AFAP1: variants seen among roughly 807,000 people sequenced by gnomAD.
The protein encoded by AFAP1 is actin filament associated protein 1.
Under a neutral mutation model 93.9 loss-of-function variants are expected in AFAP1, and 75 were observed. The ratio of observed to expected loss-of-function variants is 0.80; its 90% CI spans 0.66 to 0.97. The LOEUF is 0.97. Among genes scored for constraint, AFAP1 ranks in the 50% least tolerant of loss-of-function variants. The probability of loss-of-function intolerance (pLI) is 0.00; values close to 1 mark genes in which losing one functional copy is unlikely to be tolerated. For synonymous variants in AFAP1, 517 were observed against 430.7 expected (o/e 1.20, Z -2.48); for missense variants, 1,201 against 1,050.8 (o/e 1.14, Z -1.98).
intron 1 of AFAP1, among the ~76,000 whole-genome samples, chr4:7,873,201 C>T (rs1437273299): frequency 3.2e-4 from 44 of 139,216 alleles, no homozygotes; most frequent in African/African-American, 1.1e-3. Context: ...CAAGATTGCA[C>T]CACTGCACTC....
chr4:7,898,658 A>G (rs1298156683), intron 1 of AFAP1, among the ~76,000 whole-genome samples: 1 of 4,552 alleles, frequency 2.2e-4, no homozygotes, highest in Non-Finnish European at 4.4e-3. Context: ...GAAAAAGAAG[A>G]AAAAAAAAAA....
At chr4:7,897,493 T>G (rs1015585758) in intron 1 of AFAP1, among the ~76,000 whole-genome samples, 2 of 151,706 alleles carry the variant, frequency 1.3e-5, no homozygotes, top group Non-Finnish European at 2.9e-5. Context: ...CATTCTGCTT[T>G]TTCTCCCCAG....
At chr4:7,766,058 CTT>C (rs924761461) in intron 17 of AFAP1, among the ~76,000 whole-genome samples, 40 of 152,344 alleles carry the variant, frequency 2.6e-4, no homozygotes, top group African/African-American at 8.7e-4. Flanking sequence ...CAATTTCTCA[CTT>C]TGTCTAAATC....
chr4:7,830,387 G>C (rs897775989), intron 6 of AFAP1, among the ~76,000 whole-genome samples: 11 of 152,176 alleles, frequency 7.2e-5, no homozygotes, highest in African/African-American at 2.7e-4. Flanking sequence ...ACGCGAGGCT[G>C]TGGGACATGT....
intron 1 of AFAP1, among the ~76,000 whole-genome samples, chr4:7,897,213 A>T (rs1034844413): frequency 2.0e-5 from 3 of 152,126 alleles, no homozygotes; most frequent in African/African-American, 7.2e-5. Flanking sequence ...AATAATGAAA[A>T]CACACCTTCA....
intron 1 of AFAP1, among the ~76,000 whole-genome samples, chr4:7,936,343 A>ATTTTTATTTATTTTTTTTTTTTTTTTT (rs1560245247): frequency 6.6e-6 from 1 of 150,422 alleles, no homozygotes; most frequent in African/African-American, 2.5e-5. Context: ...TTTATTTTTT[A>ATTTTTATTTATTTTTTTTTTTTTTTTT]CAGAAAGGGT....
chr4:7,807,193 C>A (rs1719591555), intron 9 of AFAP1, among the ~76,000 whole-genome samples: 1 of 121,794 alleles, frequency 8.2e-6, no homozygotes, highest in Non-Finnish European at 1.6e-5. Flanking sequence ...CTCCACTGAC[C>A]TGGAGCATTA....
At chr4:7,848,127 GGGAGTGAGTGAGGGAGT>G (rs1379247078) in intron 4 of AFAP1, among the ~76,000 whole-genome samples, 55 of 118,748 alleles carry the variant, frequency 4.6e-4, no homozygotes, top group African/African-American at 1.4e-3. Flanking sequence ...AAGGAAGGAA[GGGAGTGAGTGAGGGAGT>G]GAACAGGTAG....
chr4:7,763,125 T>C lies in AFAP1; in HGVS notation c.*640A>G, dbSNP rs550407219. On this transcript the variant is annotated 3_prime_UTR_variant, in exon 18 of 18. Coordinates refer to ENST00000420658, the MANE Select transcript of AFAP1 (RefSeq NM_001134647.2). ...AACAGGTTAAGAAGAATGGCAGCTT[T>C]TCATGTCTTGGTGACAAAAGCATCT... 1.3e-5 allele frequency: 2 copies of C among 152,766 alleles called. No homozygotes were observed. The highest frequency in any genetic ancestry group is 4.1e-4 in the South Asian group (2 of 4,826). 9.5% of individuals were successfully genotyped at this position (152,766 alleles called of 1,614,324 possible).
intron 11 of AFAP1, among the ~76,000 whole-genome samples, chr4:7,790,838 G>A (rs1717800525): frequency 6.6e-6 from 1 of 152,160 alleles, no homozygotes; most frequent in South Asian, 2.1e-4. Context: ...ACAGTGGTGA[G>A]AACAGTGTGC....
intron 3 of AFAP1, among the ~76,000 whole-genome samples, chr4:7,864,393 T>C (rs1310139845): frequency 2.6e-5 from 4 of 152,196 alleles, no homozygotes; most frequent in Admixed American, 6.5e-5. Flanking sequence ...AGTCAATTCA[T>C]CAATAGCGAA....
chr4:7,898,808 A>AGTGTGTGTGT (rs56404898), intron 1 of AFAP1, among the ~76,000 whole-genome samples: 9,027 of 136,822 alleles, frequency 0.066, 331 homozygotes, highest in Middle Eastern at 0.1. Context: ...GGGCAGTAGA[A>AGTGTGTGTGT]GTGTGTGTGT....
At chr4:7,899,745 A>C (rs568721265) in intron 1 of AFAP1, among the ~76,000 whole-genome samples, 1 of 152,262 alleles carries the variant, frequency 6.6e-6, no homozygotes, top group Admixed American at 6.5e-5. Flanking sequence ...AGAATAACAA[A>C]GGGAAGCATC....
At chr4:7,841,930 C>T (rs547307587) in intron 5 of AFAP1, among the ~76,000 whole-genome samples, 3 of 152,066 alleles carry the variant, frequency 2.0e-5, no homozygotes, top group Non-Finnish European at 4.4e-5. Context: ...GGACCAGGGA[C>T]TCAGAACCCC....
At chr4:7,938,769 C>T (rs1357786339) in intron 1 of AFAP1, among the ~76,000 whole-genome samples, 2 of 152,046 alleles carry the variant, frequency 1.3e-5, no homozygotes, top group East Asian at 1.9e-4. Flanking sequence ...CGGAAGAAAT[C>T]AAGAAGCTCC....
chr4:7,787,121 G>T (rs929452671), intron 11 of AFAP1, among the ~76,000 whole-genome samples: 1 of 152,248 alleles, frequency 6.6e-6, no homozygotes, highest in African/African-American at 2.4e-5. Context: ...TGAAGAGTAG[G>T]ATGAGAGCTG....
At chr4:7,893,035 G>GA (rs1718559692) in intron 1 of AFAP1, among the ~76,000 whole-genome samples, 2 of 152,268 alleles carry the variant, frequency 1.3e-5, no homozygotes, top group South Asian at 4.1e-4. Flanking sequence ...ACATATATGA[G>GA]AAAATGAAGA....
At chr4:7,923,102 GA>G (rs1257043498) in intron 1 of AFAP1, among the ~76,000 whole-genome samples, 1 of 150,924 alleles carries the variant, frequency 6.6e-6, no homozygotes, top group East Asian at 2.0e-4. Flanking sequence ...ATGAGAGAGG[GA>G]AAAGAGAAAT....
chr4:7,784,946 G>A (rs4689862), intron 12 of AFAP1, among the ~76,000 whole-genome samples: 16,334 of 152,138 alleles, frequency 0.11, 1,354 homozygotes, highest in East Asian at 0.48. Context: ...AAAAAAGTCT[G>A]AAATACCTTC....
Sources: allele counts gnomAD v4.1 joint callset (sites outside exome capture counted in the v4.1 genomes callset), GRCh38; gene constraint gnomAD v4.1.1; transcripts MANE v1.5; gene names NCBI Gene and HGNC (gene_info 2026-07-23, HGNC 2026-07-21).